The following HELB variants were observed in gnomAD, a reference collection of about 807,000 sequenced individuals.
HELB encodes the protein DNA helicase B.
In HELB, 96 loss-of-function variants were observed where a neutral mutation model predicts 101.7. That is an observed-to-expected ratio of 0.94 (90% CI 0.80 to 1.12). HELB has a LOEUF of 1.12. Among genes scored for constraint, HELB ranks in the 50% most tolerant of loss-of-function variants. The pLI is 0.00. For missense variants in HELB, 1,210 were observed against 1,291.9 expected, an observed-to-expected ratio of 0.94 and a Z score of 0.97; for synonymous variants, 437 against 459.7, an observed-to-expected ratio of 0.95 and a Z score of 0.63.
At position 66,306,542 on chromosome 12, in the gene HELB, G is replaced by T. The variant is rs779554476; in HGVS notation, c.777+28G>T. The T allele has an allele frequency of 2.7e-6, 4 of 1,465,256 alleles. No homozygotes were observed. The South Asian group carries it at 5.9e-5, about 21-fold the overall frequency. 90.8% of individuals were successfully genotyped at this position (1,465,256 alleles called of 1,614,324 possible). A position where few individuals can be genotyped will look rare whatever the true frequency, so the allele number is the denominator to read the frequency against. ...AAGTAAAACATTTGCTCAGCATATA[G>T]TAATCTTGTGTAAGGCATGGTTTCA... On this transcript the variant is annotated intron_variant, in intron 3 of 12. Transcript: ENST00000247815.
At position 66,337,982 on chromosome 12, in the gene HELB, A is replaced by G. The variant is rs754658442; in HGVS notation, c.3163-19A>G. 1 of 1,375,522 alleles carries G rather than the reference A, an allele frequency of 7.3e-7. No homozygotes were observed. 85.2% of individuals were successfully genotyped at this position (1,375,522 alleles called of 1,614,324 possible). ...ACATTTTTACAAAATTAACTTTGTT[A>G]TTTTAATTGTTCTAACAGGTGGGAG... On this transcript the variant is annotated intron_variant, in intron 12 of 12. Coordinates refer to ENST00000247815, the MANE Select transcript of HELB (RefSeq NM_001370285.1).
intron 4 of HELB, among the ~76,000 whole-genome samples, chr12:66,311,394 C>T (rs1014945054): frequency 1.3e-5 from 2 of 152,052 alleles, no homozygotes; most frequent in African/African-American, 4.8e-5. Context: ...GCTGTGAGGT[C>T]GAAGCTGCAG....
In HELB at chr12:66,338,189, G is replaced by T. The variant is rs2053887441; in HGVS notation, c.*87G>T. ...ACGTCAAAGTACCAAGATAAAAAAA[G>T]TTTCCTATAACTGGAGTTTTAAGGT... On this transcript the variant is annotated 3_prime_UTR_variant, in exon 13 of 13. Coordinates refer to ENST00000247815, the MANE Select transcript of HELB (RefSeq NM_001370285.1). 1.3e-6 allele frequency: 1 copy of T among 796,976 alleles called. No individual in the cohort carries two copies. The highest frequency in any genetic ancestry group is 2.4e-5 in the Admixed American group (1 of 42,226). 49.4% of individuals were successfully genotyped at this position (796,976 alleles called of 1,614,324 possible).
At chr12:66,308,559 G>C (rs1473513105) in intron 3 of HELB, among the ~76,000 whole-genome samples, 2 of 152,150 alleles carry the variant, frequency 1.3e-5, no homozygotes, top group Non-Finnish European at 2.9e-5. Flanking sequence ...GAAATTTTTT[G>C]TCTTACAATT....
chr12:66,312,364 A>G (rs2053554781), intron 4 of HELB, among the ~76,000 whole-genome samples: 1 of 152,236 alleles, frequency 6.6e-6, no homozygotes, highest in South Asian at 2.1e-4. Flanking sequence ...GTTCCTAAGC[A>G]AGAGAGTGAA....
chr12:66,336,785 G>A (rs576551169), intron 12 of HELB, among the ~76,000 whole-genome samples: 6 of 152,282 alleles, frequency 3.9e-5, no homozygotes, highest in Admixed American at 3.3e-4. Context: ...TGGCAGGGAG[G>A]ATGGACACAG....
At chr12:66,336,759 C>G (rs1565646136) in intron 12 of HELB, among the ~76,000 whole-genome samples, 1 of 152,138 alleles carries the variant, frequency 6.6e-6, no homozygotes, top group East Asian at 1.9e-4. Context: ...AGAGGATGGG[C>G]TGCAGACACA....
At chr12:66,336,505 C>T (rs2053867573) in intron 12 of HELB, among the ~76,000 whole-genome samples, 1 of 152,056 alleles carries the variant, frequency 6.6e-6, no homozygotes, top group South Asian at 2.1e-4. Flanking sequence ...TTTAAGCTTC[C>T]AAGGCTGTAA....
In HELB at chr12:66,322,047, T is replaced by C; in HGVS notation, c.2237+18T>C. 1 of 890,470 alleles carries C rather than the reference T, an allele frequency of 1.1e-6. No homozygotes were observed. Among genetic ancestry groups the C allele is most frequent in the East Asian group, 2.7e-5 (1 of 36,710 alleles). 55.2% of individuals were successfully genotyped at this position (890,470 alleles called of 1,614,324 possible). On this transcript the variant is annotated intron_variant, in intron 8 of 12. Transcript: ENST00000247815. ...TTTAGAAGGTAAAGCATTTATAATA[T>C]TTTAATGTTTTTAATCTAGCTTTTA... is the stretch of plus-strand genomic sequence containing the variant.
At chr12:66,311,948 G>A (rs1397820521) in intron 4 of HELB, among the ~76,000 whole-genome samples, 1 of 152,148 alleles carries the variant, frequency 6.6e-6, no homozygotes, top group Non-Finnish European at 1.5e-5. Context: ...TGGACTTAGG[G>A]GAAAGGCCTT....
intron 1 of HELB, 145 bp from the exon 2 acceptor site, chr12:66,304,586 A>G (rs1262369863): frequency 4.6e-6 from 3 of 658,886 alleles, no homozygotes; most frequent in Non-Finnish European, 7.7e-6. Flanking sequence ...GGCAGAATGC[A>G]GTGTTACAGG....
At chr12:66,334,715 G>A (rs1412139917) in intron 12 of HELB, among the ~76,000 whole-genome samples, 1 of 152,066 alleles carries the variant, frequency 6.6e-6, no homozygotes, top group East Asian at 1.9e-4. Context: ...GGAGGTTGAG[G>A]CTGCAGTGAG....
At chr12:66,305,503 A>T (rs2053464194) in intron 2 of HELB, among the ~76,000 whole-genome samples, 1 of 152,178 alleles carries the variant, frequency 6.6e-6, no homozygotes, top group African/African-American at 2.4e-5. Context: ...CCACTTTGGG[A>T]GACTGAGGCA....
intron 4 of HELB, 107 bp downstream of exon 4, chr12:66,310,715 A>G: frequency 1.0e-6 from 1 of 996,496 alleles, no homozygotes; most frequent in Non-Finnish European, 1.5e-6. Flanking sequence ...GGCAGATCAC[A>G]AGGTCAGGAG....
Position 66,302,782 on chromosome 12 carries a change from G to T in HELB, c.179G>T (p.Cys60Phe), listed in dbSNP as rs774929641. The T allele has an allele frequency of 6.2e-7, 1 of 1,608,350 alleles. No individual in the cohort carries two copies. Among genetic ancestry groups the T allele is most frequent in the South Asian group, 1.1e-5 (1 of 90,706 alleles). The change falls in exon 1 of 13, where the codon TGC becomes TTC. Residue 60 changes from cysteine (C) to phenylalanine (F), a missense_variant. Physicochemically the swap from Cys to Phe is radical, Grantham distance 205. Coordinates refer to ENST00000247815, the MANE Select transcript of HELB (RefSeq NM_001370285.1). ...GTAAAGGCTGGCAGCCTCCCCGGGT[G>T]CCTCCGCGGTGAGGAAGGCGTCTGC... is the stretch of plus-strand genomic sequence containing the variant. The part of the protein sequence containing the change: ...GGVKAGSLPG[C>F]LRVSICDENT...
chr12:66,302,967 C>A (rs1405911436), intron 1 of HELB, among the ~76,000 whole-genome samples, 177 bp downstream of exon 1: 2 of 150,746 alleles, frequency 1.3e-5, no homozygotes, highest in Non-Finnish European at 2.9e-5. Context: ...GTGACTTTAA[C>A]TGGACACATA....
chr12:66,317,319 C>A (rs1045902739), intron 6 of HELB, among the ~76,000 whole-genome samples: 1 of 152,180 alleles, frequency 6.6e-6, no homozygotes, highest in Non-Finnish European at 1.5e-5. Flanking sequence ...CTAGAATTTT[C>A]AAAACCTACT....
At chr12:66,335,844 C>G (rs932089430) in intron 12 of HELB, among the ~76,000 whole-genome samples, 10 of 152,146 alleles carry the variant, frequency 6.6e-5, no homozygotes, top group Admixed American at 5.9e-4. Context: ...TAAAGCAGTT[C>G]CAAGCTGATC....
chr12:66,314,482 T>A (rs1206849711), intron 5 of HELB, among the ~76,000 whole-genome samples: 1 of 152,114 alleles, frequency 6.6e-6, no homozygotes, highest in Non-Finnish European at 1.5e-5. Context: ...TTGGAAATGA[T>A]AAAAAGTTTG....
Sources: allele counts gnomAD v4.1 joint callset (sites outside exome capture counted in the v4.1 genomes callset), GRCh38; gene constraint gnomAD v4.1.1; transcripts MANE v1.5; gene names NCBI Gene and HGNC (gene_info 2026-07-23, HGNC 2026-07-21).